Variants in GTF2E2 observed in about 807,000 individuals in gnomAD.
GTF2E2 encodes the protein general transcription factor IIE subunit 2, also known as transcription initiation factor IIE subunit beta.
GTF2E2 carries 21 observed loss-of-function variants against 40.5 expected under a neutral mutation model. The ratio of observed to expected loss-of-function variants is 0.52; its 90% CI spans 0.37 to 0.75. GTF2E2 has a LOEUF of 0.75. GTF2E2 is among the 30% of genes least tolerant of loss of function. The pLI is 0.00. For missense variants in GTF2E2, 298 were observed against 338.4 expected (o/e 0.88, Z 0.94); for synonymous variants, 117 against 121.6 (o/e 0.96, Z 0.25).
chr8:30,651,474 G>A (rs527285921), intron 2 of GTF2E2, among the ~76,000 whole-genome samples: 10 of 152,088 alleles, frequency 6.6e-5, no homozygotes, highest in South Asian at 4.2e-4. Flanking sequence ...TAAAATAACC[G>A]CTGGGTGTAA....
At chr8:30,642,195 C>T (rs1801860779) in intron 2 of GTF2E2, among the ~76,000 whole-genome samples, 1 of 149,804 alleles carries the variant, frequency 6.7e-6, no homozygotes, top group Non-Finnish European at 1.5e-5. Flanking sequence ...TTTTGTATTA[C>T]AGTGCATTAA....
chr8:30,589,963 G>T (rs141981408), intron 6 of GTF2E2, among the ~76,000 whole-genome samples: 149 of 152,182 alleles, frequency 9.8e-4, no homozygotes, highest in South Asian at 2.7e-3. Context: ...TTTTACTAAG[G>T]TATAATTTAT....
chr8:30,612,566 G>A (rs780319215), intron 4 of GTF2E2, 85 bp from the exon 5 acceptor site: 45 of 813,190 alleles, frequency 5.5e-5, no homozygotes, highest in Middle Eastern at 4.0e-4. Flanking sequence ...TTGCTCTGTC[G>A]CCCAGGCTGG....
At chr8:30,645,306 A>C in intron 2 of GTF2E2, 1 of 1,533,562 alleles carries the variant, frequency 6.5e-7, no homozygotes. Flanking sequence ...TGGAATCTCT[A>C]AGAATGGCTT....
At chr8:30,603,037 A>G (rs1208532192) in intron 6 of GTF2E2, among the ~76,000 whole-genome samples, 1 of 152,140 alleles carries the variant, frequency 6.6e-6, no homozygotes, top group Non-Finnish European at 1.5e-5. Flanking sequence ...ATTTCATACA[A>G]TCCGCAGTAT....
chr8:30,602,360 A>T (rs1829206338), intron 6 of GTF2E2, among the ~76,000 whole-genome samples: 1 of 152,166 alleles, frequency 6.6e-6, no homozygotes, highest in East Asian at 1.9e-4. Context: ...TTAAAGAATA[A>T]AAATATATTT....
chr8:30,587,203 G>A (rs910101858), intron 6 of GTF2E2, among the ~76,000 whole-genome samples: 1 of 152,022 alleles, frequency 6.6e-6, no homozygotes, highest in Non-Finnish European at 1.5e-5. Flanking sequence ...TTGAGCCTAG[G>A]AGTTTGAGAC....
chr8:30,616,224 T>A (rs1371289234), intron 3 of GTF2E2, among the ~76,000 whole-genome samples: 1 of 151,914 alleles, frequency 6.6e-6, no homozygotes, highest in Non-Finnish European at 1.5e-5. Context: ...GGCCACAAGG[T>A]AAGGAGATCG....
chr8:30,588,568 G>A (rs1828749748), intron 6 of GTF2E2, among the ~76,000 whole-genome samples: 1 of 152,194 alleles, frequency 6.6e-6, no homozygotes, highest in Admixed American at 6.5e-5. Flanking sequence ...GAGGCTAGGA[G>A]AAGGGGAATG....
chr8:30,626,020 T>A (rs866472963), intron 3 of GTF2E2, among the ~76,000 whole-genome samples: 2 of 152,232 alleles, frequency 1.3e-5, no homozygotes, highest in South Asian at 2.1e-4. Flanking sequence ...CCAAATTACA[T>A]CCTCCAACCT....
rs148073849 is a variant in GTF2E2 at position 30,607,609 on chromosome 8, G to C, written c.550-459C>G. The stretch of plus-strand genomic sequence containing the variant: ...ATTTTAGTTTTTGAGTTTCTTTCTT[G>C]AGTAGTTCAATTTTTTAAAAATTGA... On this transcript the variant is annotated intron_variant, in intron 5 of 7. Coordinates refer to ENST00000355904, the MANE Select transcript of GTF2E2 (RefSeq NM_002095.6). 3.3e-5 allele frequency among the ~76,000 whole-genome samples: 5 copies of C among 152,286 alleles called. No individual in the cohort carries two copies. In the East Asian group the frequency reaches 7.7e-4, roughly 24 times the overall value.
chr8:30,622,211 GTTC>G (rs200568296), intron 3 of GTF2E2, among the ~76,000 whole-genome samples: 5,692 of 148,082 alleles, frequency 0.038, 411 homozygotes, highest in African/African-American at 0.14. Context: ...AGTCATGTAG[GTTC>G]TTTTCTATTT....
intron 3 of GTF2E2, among the ~76,000 whole-genome samples, chr8:30,634,463 A>G (rs1281610769): frequency 1.3e-5 from 2 of 151,536 alleles, no homozygotes; most frequent in African/African-American, 4.8e-5. Flanking sequence ...AAGAAAAGGG[A>G]AAAAAAAAGA....
chr8:30,622,306 C>T (rs1014058499), intron 3 of GTF2E2, among the ~76,000 whole-genome samples: 41 of 151,874 alleles, frequency 2.7e-4, no homozygotes, highest in African/African-American at 9.2e-4. Flanking sequence ...CCAGGGGAGA[C>T]ATCACATGTC....
At chr8:30,636,935 T>C (rs1192373555) in intron 2 of GTF2E2, 2 of 444,292 alleles carry the variant, frequency 4.5e-6, no homozygotes, top group Non-Finnish European at 8.9e-6. Flanking sequence ...CCTACGTAGT[T>C]CATTCTCCCA....
chr8:30,596,415 T>C (rs965155086), intron 6 of GTF2E2, among the ~76,000 whole-genome samples: 1 of 152,246 alleles, frequency 6.6e-6, no homozygotes, highest in South Asian at 2.1e-4. Context: ...TTTTCACCTA[T>C]GTTACTGTCA....
At chr8:30,623,615 A>G (rs1801178553) in intron 3 of GTF2E2, among the ~76,000 whole-genome samples, 2 of 152,038 alleles carry the variant, frequency 1.3e-5, no homozygotes, top group Non-Finnish European at 2.9e-5. Context: ...TGGTTGAACT[A>G]GTTTACAGTC....
At chr8:30,603,975 T>C (rs1230878457) in intron 6 of GTF2E2, among the ~76,000 whole-genome samples, 2 of 152,080 alleles carry the variant, frequency 1.3e-5, no homozygotes, top group Non-Finnish European at 2.9e-5. Context: ...ATTATCAAAA[T>C]TGACTTGCAA....
chr8:30,620,259 A>AAC (rs916977781), intron 3 of GTF2E2, among the ~76,000 whole-genome samples: 19 of 52,944 alleles, frequency 3.6e-4, no homozygotes, highest in Non-Finnish European at 4.5e-4. Context: ...CACACACACA[A>AAC]ACACACACAC....
Sources: gnomAD v4.1 joint callset for allele counts (sites outside exome capture counted in the v4.1 genomes callset) on GRCh38, gnomAD v4.1.1 for gene constraint, MANE v1.5 for transcripts, NCBI Gene and HGNC (gene_info 2026-07-23, HGNC 2026-07-21) for gene names.